KANK1: variants seen among roughly 807,000 people sequenced by gnomAD.
KANK1 encodes the protein KN motif and ankyrin repeat domains 1.
Under a neutral mutation model 106.2 loss-of-function variants are expected in KANK1, and 109 were observed. That is an observed-to-expected ratio of 1.03 (90% CI 0.88 to 1.20). The LOEUF is 1.20. KANK1 is among the 50% of genes most tolerant of loss of function. The pLI, the probability that KANK1 is intolerant of heterozygous loss-of-function variation, is 0.00. For synonymous variants in KANK1, 873 were observed against 652.2 expected (o/e 1.34, Z -5.16); for missense variants, 2,399 against 1,710.7 (o/e 1.40, Z -7.10).
chr9:557,789 G>T lies in KANK1; in HGVS notation c.-84+53035G>T, dbSNP rs192932059. 1.2e-3 allele frequency among the ~76,000 whole-genome samples: 178 copies of T among 152,282 alleles called. 2 individuals carry two copies. Among genetic ancestry groups the T allele is most frequent in the African/African-American group, 4.1e-3 (171 of 41,560 alleles). On this transcript the variant is annotated intron_variant, in intron 1 of 11. Transcript: ENST00000382297. ...TGACACCTGTAATCCCAGCACTTTG[G>T]GAGGCTGAGGTGGGAGGACTGTGTG...
chr9:525,350 CGTGTGTGTGTGTGTGTGT>C (rs35296364), intron 1 of KANK1, among the ~76,000 whole-genome samples: 3 of 140,462 alleles, frequency 2.1e-5, no homozygotes, highest in Non-Finnish European at 4.6e-5. Context: ...TGTATACATA[CGTGTGTGTGTGTGTGTGT>C]GTGTGTGTGT....
intron 1 of KANK1, among the ~76,000 whole-genome samples, chr9:536,914 T>A (rs2060330099): frequency 6.6e-6 from 1 of 152,160 alleles, no homozygotes; most frequent in South Asian, 2.1e-4. Context: ...ATCAAGCATT[T>A]TATTCAGGGT....
chr9:574,806 G>A (rs1820117063), intron 1 of KANK1, among the ~76,000 whole-genome samples: 1 of 144,398 alleles, frequency 6.9e-6, no homozygotes, highest in African/African-American at 2.6e-5. Flanking sequence ...AGTGAGCCGA[G>A]ATTGCACCAC....
At chr9:551,792 A>G (rs2061298211) in intron 1 of KANK1, among the ~76,000 whole-genome samples, 1 of 152,094 alleles carries the variant, frequency 6.6e-6, no homozygotes, top group Non-Finnish European at 1.5e-5. Context: ...TCACACCTGT[A>G]ATCCCAGCAC....
intron 1 of KANK1, among the ~76,000 whole-genome samples, chr9:672,024 C>G (rs1176563766): frequency 6.6e-6 from 1 of 152,184 alleles, no homozygotes; most frequent in East Asian, 1.9e-4. Flanking sequence ...AGCCTCCTTG[C>G]AGTAAGCATA....
chr9:709,981 T>G (rs1825479914), intron 2 of KANK1, among the ~76,000 whole-genome samples: 1 of 152,184 alleles, frequency 6.6e-6, no homozygotes, highest in Non-Finnish European at 1.5e-5. Context: ...TGCTTGTCTC[T>G]TAATCATTAT....
In KANK1 at chr9:711,822, A is replaced by G; in HGVS notation, c.1056A>G (p.Glu352=). The change falls in exon 3 of 12, where the codon GAA becomes GAG. Residue 352 remains glutamate, a synonymous_variant. Coordinates refer to ENST00000382297, the MANE Select transcript of KANK1 (RefSeq NM_015158.5). ...AATTATACATTGACTATGAGGAGGAAGAAATGGAGACCGTAGAACAGAGCA... is the reference window on the plus strand; with the variant it reads ...AATTATACATTGACTATGAGGAGGAGGAAATGGAGACCGTAGAACAGAGCA... ...GGELYIDYEE[E]EMETVEQSTQ... is the part of the protein sequence containing the mutation. 1.9e-6 allele frequency: 3 copies of G among 1,614,150 alleles called. No individual in the cohort carries two copies. Among genetic ancestry groups the G allele is most frequent in the Non-Finnish European group, 2.5e-6 (3 of 1,180,020 alleles).
chr9:680,378 C>G (rs62531176), intron 2 of KANK1, among the ~76,000 whole-genome samples: 2 of 146,148 alleles, frequency 1.4e-5, no homozygotes, highest in East Asian at 3.9e-4. Flanking sequence ...ACTCTGACTT[C>G]CCCTTGGAGT....
intron 6 of KANK1, 42 bp downstream of exon 6, chr9:732,659 T>A: frequency 6.3e-7 from 1 of 1,597,438 alleles, no homozygotes; most frequent in Non-Finnish European, 8.6e-7. Flanking sequence ...CTCCCACATT[T>A]AATGTACTTT....
At chr9:517,398 C>T (rs146008628) in intron 1 of KANK1, among the ~76,000 whole-genome samples, 36 of 151,840 alleles carry the variant, frequency 2.4e-4, no homozygotes, top group South Asian at 1.2e-3. Context: ...CACTGCGGCC[C>T]GGCTGCAAGC....
upstream of KANK1, among the ~76,000 whole-genome samples, chr9:501,723 T>TA (rs33949370): frequency 6.6e-6 from 1 of 151,942 alleles, no homozygotes; most frequent in Non-Finnish European, 1.5e-5. Flanking sequence ...TGTTACTTTT[T>TA]AAAAAAATAG....
At chr9:558,393 G>C (rs1208157221) in intron 1 of KANK1, among the ~76,000 whole-genome samples, 5 of 152,226 alleles carry the variant, frequency 3.3e-5, no homozygotes, top group Non-Finnish European at 5.9e-5. Context: ...TACAGAGTTA[G>C]ATTCCTGTGA....
At chr9:555,626 A>G (rs10113911) in intron 1 of KANK1, among the ~76,000 whole-genome samples, 11,140 of 152,226 alleles carry the variant, frequency 0.073, 1,105 homozygotes, top group East Asian at 0.22. Context: ...TAACTGTAAA[A>G]GCGTAAGATT....
At chr9:495,893 C>T (rs757194217) in intron 3 of KANK1, among the ~76,000 whole-genome samples, 9 of 152,154 alleles carry the variant, frequency 5.9e-5, no homozygotes, top group African/African-American at 9.7e-5. Context: ...GTCACCAGGT[C>T]AGGGTTTCCT....
intron 2 of KANK1, chr9:693,383 C>A: frequency 1.0e-6 from 1 of 985,230 alleles, no homozygotes; most frequent in South Asian, 4.7e-5. Context: ...TCAGCACAAA[C>A]AATGAGGAAA....
chr9:674,605 A>G (rs892026780), intron 1 of KANK1, among the ~76,000 whole-genome samples: 1 of 152,016 alleles, frequency 6.6e-6, no homozygotes, highest in African/African-American at 2.4e-5. Flanking sequence ...TATAATCTTC[A>G]TGATTGTAGC....
At chr9:682,808 C>T (rs1817833487) in intron 2 of KANK1, among the ~76,000 whole-genome samples, 1 of 152,140 alleles carries the variant, frequency 6.6e-6, no homozygotes. Flanking sequence ...TGTCTCTATG[C>T]TGATCTTAAA....
rs182199719 is a variant in KANK1 at position 666,754 on chromosome 9, A to G, written c.-83-10136A>G. Among the ~76,000 whole-genome samples, 184 of 152,264 alleles carry G rather than the reference A, an allele frequency of 1.2e-3. 4 individuals carry two copies. Among genetic ancestry groups the G allele is most frequent in the African/African-American group, 4.2e-3 (174 of 41,550 alleles). On this transcript the variant is annotated intron_variant, in intron 1 of 11. Transcript: ENST00000382297. The stretch of plus-strand genomic sequence containing the variant: ...GTGTATCACATTTACTGATTTGCAT[A>G]TGCTGAACCATCTTTGCATCCCTGG...
At chr9:678,365 A>G (rs1440058257) in intron 2 of KANK1, among the ~76,000 whole-genome samples, 1 of 152,188 alleles carries the variant, frequency 6.6e-6, no homozygotes, top group African/African-American at 2.4e-5. Context: ...AGATTAAGCT[A>G]TTATTTTACT....
Sources: allele counts gnomAD v4.1 joint callset (sites outside exome capture counted in the v4.1 genomes callset), GRCh38; gene constraint gnomAD v4.1.1; transcripts MANE v1.5; gene names NCBI Gene and HGNC (gene_info 2026-07-23, HGNC 2026-07-21).